The following PAX5 variants were observed in gnomAD, a reference collection of about 807,000 sequenced individuals.
The protein encoded by PAX5 is paired box 5, also known as paired box protein Pax-5.
A neutral mutation model predicts 43.7 loss-of-function variants in PAX5; 9 were observed. That is an observed-to-expected ratio of 0.21 (90% CI 0.12 to 0.36). The LOEUF (loss-of-function observed/expected upper bound fraction) is 0.36, where lower values mean the gene tolerates loss of function less well. PAX5 is among the 10% of genes least tolerant of loss of function. The probability of loss-of-function intolerance (pLI) is 1.00; values close to 1 mark genes in which losing one functional copy is unlikely to be tolerated. For missense variants in PAX5, 383 were observed against 532.7 expected (o/e 0.72, Z 2.77); for synonymous variants, 228 against 214.3 (o/e 1.06, Z -0.56).
chr9:36,903,813 G>A (rs1008047469), intron 7 of PAX5, among the ~76,000 whole-genome samples: 7 of 152,050 alleles, frequency 4.6e-5, no homozygotes, highest in Non-Finnish European at 7.4e-5. Flanking sequence ...CATCAGTCCC[G>A]GCCCCTACAC....
intron 8 of PAX5, among the ~76,000 whole-genome samples, chr9:36,853,385 T>C (rs1823349967): frequency 6.6e-6 from 1 of 152,110 alleles, no homozygotes; most frequent in African/African-American, 2.4e-5. Context: ...AATTCTCTCA[T>C]ACTGAAGAAG....
chr9:36,931,158 C>T (rs1458188651), intron 6 of PAX5, among the ~76,000 whole-genome samples: 1 of 152,236 alleles, frequency 6.6e-6, no homozygotes, highest in Non-Finnish European at 1.5e-5. Context: ...CAACCATTCC[C>T]ATTCTGAAGG....
intron 4 of PAX5, 114 bp from the exon 5 acceptor site, chr9:37,002,890 G>A: frequency 7.8e-7 from 1 of 1,288,444 alleles, no homozygotes; most frequent in East Asian, 2.6e-5. Flanking sequence ...GGGTGGGCAG[G>A]GGGCGCTGAG....
At chr9:36,951,865 T>G (rs1357700633) in intron 6 of PAX5, among the ~76,000 whole-genome samples, 1 of 152,226 alleles carries the variant, frequency 6.6e-6, no homozygotes, top group African/African-American at 2.4e-5. Flanking sequence ...TGGTTACCCT[T>G]TAATTGTTAT....
At chr9:36,884,121 T>A (rs529888016) in intron 7 of PAX5, among the ~76,000 whole-genome samples, 1 of 152,322 alleles carries the variant, frequency 6.6e-6, no homozygotes, top group African/African-American at 2.4e-5. Flanking sequence ...CCAGGATATA[T>A]AAAACTAAGG....
At chr9:36,855,275 G>A (rs1301009119) in intron 8 of PAX5, among the ~76,000 whole-genome samples, 1 of 152,242 alleles carries the variant, frequency 6.6e-6, no homozygotes, top group Non-Finnish European at 1.5e-5. Context: ...AGTATCAGTA[G>A]CCACAGGACT....
intron 8 of PAX5, among the ~76,000 whole-genome samples, chr9:36,858,055 G>A (rs2131634293): frequency 6.6e-6 from 1 of 152,386 alleles, no homozygotes; most frequent in African/African-American, 2.4e-5. Flanking sequence ...TAGCTGGGCA[G>A]CCTCGAAGAA....
chr9:36,952,558 C>G (rs1452602777), intron 6 of PAX5, among the ~76,000 whole-genome samples: 2 of 151,984 alleles, frequency 1.3e-5, no homozygotes, highest in African/African-American at 2.4e-5. Flanking sequence ...TTCTTTACGT[C>G]TCCTCTTCTT....
At chr9:37,012,941 G>A (rs1359648081) in intron 3 of PAX5, among the ~76,000 whole-genome samples, 1 of 152,082 alleles carries the variant, frequency 6.6e-6, no homozygotes, top group Non-Finnish European at 1.5e-5. Flanking sequence ...GAAATTAGTT[G>A]CCTCTGTTAA....
At chr9:36,928,651 C>T (rs557734643) in intron 6 of PAX5, among the ~76,000 whole-genome samples, 9 of 152,248 alleles carry the variant, frequency 5.9e-5, no homozygotes, top group South Asian at 2.1e-4. Context: ...CTAAGTGATA[C>T]GCTAACATCC....
intron 5 of PAX5, among the ~76,000 whole-genome samples, chr9:36,991,043 A>G (rs1836890652): frequency 6.6e-6 from 1 of 150,898 alleles, no homozygotes; most frequent in Non-Finnish European, 1.5e-5. Flanking sequence ...CAGGAGGCAG[A>G]GGTTGCAGTG....
At chr9:36,982,911 G>A (rs912934536) in intron 5 of PAX5, among the ~76,000 whole-genome samples, 2 of 152,128 alleles carry the variant, frequency 1.3e-5, no homozygotes, top group African/African-American at 4.8e-5. Flanking sequence ...TTGTCGGTAA[G>A]CATGATCAGA....
chr9:36,912,722 G>A (rs1448091059), intron 7 of PAX5, among the ~76,000 whole-genome samples: 3 of 152,128 alleles, frequency 2.0e-5, no homozygotes, highest in African/African-American at 7.2e-5. Context: ...CAGAACGTCT[G>A]CTCTGAGGAA....
intron 6 of PAX5, among the ~76,000 whole-genome samples, chr9:36,929,139 T>C (rs900830950): frequency 4.3e-4 from 66 of 152,276 alleles, no homozygotes; most frequent in Middle Eastern, 6.8e-3. Flanking sequence ...TTGCTTATTT[T>C]GCAGGCCACC....
chr9:36,967,798 T>A (rs891072189), intron 5 of PAX5, among the ~76,000 whole-genome samples: 9 of 152,220 alleles, frequency 5.9e-5, no homozygotes, highest in Non-Finnish European at 1.2e-4. Flanking sequence ...GAAGTTTGAA[T>A]GTACTGCTTA....
chr9:36,964,265 A>C (rs1363796008), intron 6 of PAX5, among the ~76,000 whole-genome samples: 2 of 149,454 alleles, frequency 1.3e-5, no homozygotes, highest in African/African-American at 2.5e-5. Flanking sequence ...TGGGCGACAC[A>C]ACAAGATTCT....
chr9:37,026,690 G>A, intron 1 of PAX5: 1 of 1,317,184 alleles, frequency 7.6e-7, no homozygotes, highest in Non-Finnish European at 9.9e-7. Context: ...GCTGGGCTCA[G>A]AAAACACTGC....
chr9:36,869,208 G>A (rs770778270), intron 8 of PAX5, among the ~76,000 whole-genome samples: 1 of 152,162 alleles, frequency 6.6e-6, no homozygotes, highest in Non-Finnish European at 1.5e-5. Context: ...GCAAGCCGAA[G>A]GGAGTCAAAC....
rs370386727 is a variant in PAX5 at position 37,033,978 on chromosome 9, G to T, written c.46+8C>A. The T allele has an allele frequency of 1.3e-5, 21 of 1,611,324 alleles. No individual in the cohort carries two copies. The Admixed American group carries it at 1.7e-4, about 13-fold the overall frequency. On this transcript the variant is annotated splice_region_variant and intron_variant, in intron 1 of 9. Transcript: ENST00000358127. ...TTTGCACATCTGGAGCCCGTATCGC[G>T]GTCCTACCTGTCCTGCTGGTCCGAG...
Sources: allele counts gnomAD v4.1 joint callset (sites outside exome capture counted in the v4.1 genomes callset), GRCh38; gene constraint gnomAD v4.1.1; transcripts MANE v1.5; gene names NCBI Gene and HGNC (gene_info 2026-07-23, HGNC 2026-07-21).